Variants in GLIS1 observed in about 807,000 individuals in gnomAD.
GLIS1 encodes GLIS family zinc finger 1.
Under a neutral mutation model 63.8 loss-of-function variants are expected in GLIS1, and 24 were observed. The observed-to-expected ratio is 0.38, with a 90% CI of 0.27 to 0.53. GLIS1 has a LOEUF of 0.53. GLIS1 is among the 20% of genes least tolerant of loss of function. GLIS1 has a pLI of 0.85. For synonymous variants in GLIS1, 450 were observed against 482.5 expected, an observed-to-expected ratio of 0.93 and a Z score of 0.88; for missense variants, 1,036 against 1,074.1, an observed-to-expected ratio of 0.96 and a Z score of 0.50.
chr1:53,674,863 G>A (rs925073476), intron 2 of GLIS1, among the ~76,000 whole-genome samples: 1 of 152,230 alleles, frequency 6.6e-6, no homozygotes, highest in Non-Finnish European at 1.5e-5. Flanking sequence ...AGAGAGGCAA[G>A]ACTGGCCTGA....
intron 2 of GLIS1, among the ~76,000 whole-genome samples, chr1:53,693,849 G>A (rs182280184): frequency 2.6e-5 from 4 of 152,362 alleles, no homozygotes; most frequent in African/African-American, 7.2e-5. Flanking sequence ...TAACCCTCCA[G>A]ATGGCTGTGC....
chr1:53,609,315 C>G (rs1645403137), intron 2 of GLIS1, among the ~76,000 whole-genome samples: 1 of 123,972 alleles, frequency 8.1e-6, no homozygotes, highest in Admixed American at 1.2e-4. Context: ...ACTCTGTCGC[C>G]CAGGCTGGAG....
chr1:53,603,494 G>A (rs1225235123), intron 2 of GLIS1, among the ~76,000 whole-genome samples: 7 of 152,170 alleles, frequency 4.6e-5, no homozygotes, highest in Non-Finnish European at 1.0e-4. Context: ...GGAAAGATGC[G>A]GGGACTCTCA....
At chr1:53,615,675 A>G (rs772449138) in intron 2 of GLIS1, among the ~76,000 whole-genome samples, 1 of 152,128 alleles carries the variant, frequency 6.6e-6, no homozygotes, top group Non-Finnish European at 1.5e-5. Context: ...TGCAACAGGG[A>G]TTCTATAATT....
At chr1:53,557,784 G>A (rs560085156) in intron 4 of GLIS1, among the ~76,000 whole-genome samples, 4 of 152,310 alleles carry the variant, frequency 2.6e-5, no homozygotes, top group South Asian at 2.1e-4. Context: ...AATGAAGCAC[G>A]TTATAGTACC....
intron 2 of GLIS1, among the ~76,000 whole-genome samples, chr1:53,704,183 C>T (rs1646552701): frequency 6.6e-6 from 1 of 152,238 alleles, no homozygotes; most frequent in Non-Finnish European, 1.5e-5. Flanking sequence ...TGTTTGCCCA[C>T]AGCCAATGCT....
chr1:53,684,202 C>T (rs1646306190), intron 2 of GLIS1, among the ~76,000 whole-genome samples: 1 of 152,150 alleles, frequency 6.6e-6, no homozygotes, highest in Non-Finnish European at 1.5e-5. Flanking sequence ...CCCCCAAGAT[C>T]TCTGCAGTCC....
intron 4 of GLIS1, among the ~76,000 whole-genome samples, chr1:53,554,643 G>A (rs569707180): frequency 6.6e-6 from 1 of 152,152 alleles, no homozygotes; most frequent in South Asian, 2.1e-4. Flanking sequence ...CCCCCCCAGG[G>A]CAACAGGGCA....
intron 2 of GLIS1, among the ~76,000 whole-genome samples, chr1:53,687,091 G>C (rs771498901): frequency 2.6e-5 from 4 of 152,240 alleles, no homozygotes; most frequent in Non-Finnish European, 5.9e-5. Flanking sequence ...CCGAGGGGCA[G>C]AGCATGGACT....
chr1:53,591,504 C>T (rs548972246), intron 4 of GLIS1, among the ~76,000 whole-genome samples: 2 of 152,218 alleles, frequency 1.3e-5, no homozygotes, highest in African/African-American at 4.8e-5. Context: ...AGCTGTGTAA[C>T]CCTTAGCAAG....
At chr1:53,731,485 G>A (rs1407684249) in intron 2 of GLIS1, among the ~76,000 whole-genome samples, 3 of 152,262 alleles carry the variant, frequency 2.0e-5, no homozygotes, top group African/African-American at 4.8e-5. Flanking sequence ...CTTCCCAGCC[G>A]CCTGGGTTTA....
intron 4 of GLIS1, among the ~76,000 whole-genome samples, chr1:53,537,556 T>G (rs1256605832): frequency 2.0e-5 from 3 of 152,192 alleles, no homozygotes; most frequent in Non-Finnish European, 4.4e-5. Context: ...TCCTCGTTTT[T>G]CTCTTCTCTA....
chr1:53,552,138 A>C (rs939122889), intron 4 of GLIS1, among the ~76,000 whole-genome samples: 1 of 152,094 alleles, frequency 6.6e-6, no homozygotes, highest in Admixed American at 6.5e-5. Context: ...GATACATTCA[A>C]CCACACACAC....
At chr1:53,565,308 C>T (rs1644927866) in intron 4 of GLIS1, among the ~76,000 whole-genome samples, 1 of 151,634 alleles carries the variant, frequency 6.6e-6, no homozygotes, top group East Asian at 1.9e-4. Flanking sequence ...AATTAATGTG[C>T]TAGGAGATCC....
At chr1:53,631,853 C>T (rs1380496160) in intron 2 of GLIS1, among the ~76,000 whole-genome samples, 1 of 151,764 alleles carries the variant, frequency 6.6e-6, no homozygotes, top group Non-Finnish European at 1.5e-5. Flanking sequence ...CCTGAGGGAG[C>T]AGCAGACCTT....
rs923449726 is a variant in GLIS1, at chr1:53,598,754, C to T, written c.437+1347G>A. ...CATTTGCTATGGCAGCCTAAACAAA[C>T]GAATACACACCCAAAATCAGAAGTT... On this transcript the variant is annotated intron_variant, in intron 3 of 10. Coordinates refer to ENST00000628545, the MANE Select transcript of GLIS1 (RefSeq NM_001367484.1). The surrounding 1 kb of genome is among the most constrained non-coding windows in gnomAD (Gnocchi z 4.6). Among the ~76,000 whole-genome samples, 2 of 152,046 alleles carry T rather than the reference C, an allele frequency of 1.3e-5. No individual in the cohort carries two copies. The highest frequency in any genetic ancestry group is 2.4e-5 in the African/African-American group (1 of 41,380).
chr1:53,698,130 G>A (rs1219473912), intron 2 of GLIS1, among the ~76,000 whole-genome samples: 1 of 105,238 alleles, frequency 9.5e-6, no homozygotes, highest in African/African-American at 3.8e-5. Flanking sequence ...AACAATTAAA[G>A]AACCAACCAG....
At position 53,737,967 on chromosome 1, in the gene GLIS1, T is replaced by G. The variant is rs1272240779; in HGVS notation, c.98A>C (p.His33Pro). The G allele has an allele frequency of 8.1e-7, 1 of 1,230,130 alleles. No individual in the cohort carries two copies. Among genetic ancestry groups the G allele is most frequent in the Non-Finnish European group, 1.0e-6 (1 of 986,986 alleles). The allele number at this position is 1,230,130 out of a possible 1,614,324, so 76.2% of individuals were successfully genotyped here. The change falls in exon 2 of 11, where the codon CAC becomes CCC. Residue 33 changes from histidine (H) to proline (P), a missense_variant. By Grantham distance (77) the His-to-Pro change is moderately conservative (BLOSUM62 -2). Coordinates refer to ENST00000628545, the MANE Select transcript of GLIS1 (RefSeq NM_001367484.1). ...ACTCACGGTGACCCTGAAGGCCATG[T>G]GCGCGCCGAGGCTGGCGGGGCCGCG... The part of the protein sequence containing the change: ...PDRGPASLGA[H>P]MAFRVTVSGG...
intron 2 of GLIS1, among the ~76,000 whole-genome samples, chr1:53,725,644 A>C (rs1289851371): frequency 2.0e-5 from 3 of 152,212 alleles, no homozygotes; most frequent in African/African-American, 7.2e-5. Context: ...TTGGTTCTCC[A>C]TGGTGTCCCA....
Sources: allele counts gnomAD v4.1 joint callset (sites outside exome capture counted in the v4.1 genomes callset), GRCh38; gene constraint gnomAD v4.1.1; non-coding constraint Gnocchi (gnomAD v3.1); transcripts MANE v1.5; gene names NCBI Gene and HGNC (gene_info 2026-07-23, HGNC 2026-07-21).